The following UNC13C variants were observed in gnomAD, a reference collection of about 807,000 sequenced individuals.
UNC13C encodes protein unc-13 homolog C.
A neutral mutation model predicts 245.4 loss-of-function variants in UNC13C; 174 were observed. That is an observed-to-expected ratio of 0.71 (90% CI 0.63 to 0.80). The LOEUF (loss-of-function observed/expected upper bound fraction) is 0.80, where lower values mean the gene tolerates loss of function less well. Ranked by LOEUF, UNC13C falls within the 30% of genes least tolerant of loss-of-function variation. The pLI is 0.00. For synonymous variants in UNC13C, 992 were observed against 895.1 expected, an observed-to-expected ratio of 1.11 and a Z score of -1.93; for missense variants, 2,829 against 2,602.9, an observed-to-expected ratio of 1.09 and a Z score of -1.89.
chr15:54,510,171 G>T (rs1465459093), intron 23 of UNC13C, among the ~76,000 whole-genome samples: 1 of 152,186 alleles, frequency 6.6e-6, no homozygotes, highest in Non-Finnish European at 1.5e-5. Context: ...GAAACAAGGT[G>T]ATAATAACCA....
intron 4 of UNC13C, among the ~76,000 whole-genome samples, chr15:54,180,317 G>A (rs1488639936): frequency 6.6e-6 from 1 of 151,988 alleles, no homozygotes; most frequent in Non-Finnish European, 1.5e-5. Context: ...CATCCATGCT[G>A]CTACAAAGGA....
chr15:54,223,969 T>C (rs1376247261), intron 4 of UNC13C, among the ~76,000 whole-genome samples: 1 of 152,122 alleles, frequency 6.6e-6, no homozygotes, highest in Non-Finnish European at 1.5e-5. Context: ...ATGCTACTGA[T>C]TTTTGTATGT....
At chr15:53,842,751 G>T in the UNC13C span, among the ~76,000 whole-genome samples, 4,774 of 152,090 alleles carry the variant, frequency 0.031, 247 homozygotes, top group African/African-American at 0.11. Context: ...GCACCCAGAA[G>T]TGACTGACAT....
intron 14 of UNC13C, among the ~76,000 whole-genome samples, chr15:54,329,586 C>T (rs1039592582): frequency 2.0e-5 from 3 of 152,018 alleles, no homozygotes; most frequent in African/African-American, 7.2e-5. Flanking sequence ...AGGCAGTAGG[C>T]TTGCTCTGCT....
At chr15:54,232,422 T>C (rs1774262523) in intron 4 of UNC13C, among the ~76,000 whole-genome samples, 1 of 152,128 alleles carries the variant, frequency 6.6e-6, no homozygotes, top group Non-Finnish European at 1.5e-5. Context: ...GAGATAAGCA[T>C]AGGAGTGAAG....
At chr15:54,558,287 A>T (rs1392020062) in intron 29 of UNC13C, among the ~76,000 whole-genome samples, 1 of 152,094 alleles carries the variant, frequency 6.6e-6, no homozygotes, top group Non-Finnish European at 1.5e-5. Flanking sequence ...CTTTGATAAT[A>T]GAGAAAATTA....
the UNC13C span, among the ~76,000 whole-genome samples, chr15:53,843,178 C>CTTAGG: frequency 6.6e-6 from 1 of 152,114 alleles, no homozygotes; most frequent in Admixed American, 6.6e-5. Flanking sequence ...GTGGCTTAGG[C>CTTAGG]CTGTGATCCC....
At chr15:54,412,041 GCTGCATTAGTCCATTTTGACA>G (rs1422304604) in intron 18 of UNC13C, among the ~76,000 whole-genome samples, 1 of 151,720 alleles carries the variant, frequency 6.6e-6, no homozygotes, top group African/African-American at 2.4e-5. Flanking sequence ...AACTTTTGAT[GCTGCATTAGTCCATTTTGACA>G]CTGCTATAAG....
At chr15:54,400,111 T>G (rs1023563867) in intron 18 of UNC13C, among the ~76,000 whole-genome samples, 5 of 152,002 alleles carry the variant, frequency 3.3e-5, no homozygotes, top group Non-Finnish European at 7.4e-5. Context: ...ACTTGAGACA[T>G]TCTATCATTT....
chr15:54,249,771 C>T (rs935480486), intron 7 of UNC13C, among the ~76,000 whole-genome samples: 16 of 152,142 alleles, frequency 1.1e-4, no homozygotes, highest in African/African-American at 2.4e-4. Context: ...GTGATAGGTA[C>T]TGAAAGCAAA....
intron 2 of UNC13C, among the ~76,000 whole-genome samples, chr15:54,134,745 C>G (rs62012216): frequency 6.6e-6 from 1 of 151,868 alleles, no homozygotes; most frequent in South Asian, 2.1e-4. Context: ...GTTTTTATAC[C>G]TTGGCTATAG....
chr15:54,023,621 C>A (rs1895989437), intron 2 of UNC13C, among the ~76,000 whole-genome samples: 1 of 152,098 alleles, frequency 6.6e-6, no homozygotes, highest in Admixed American at 6.6e-5. Flanking sequence ...AAAGGATATA[C>A]AAAGACCCAT....
chr15:54,102,881 G>T (rs1900236461), intron 2 of UNC13C, among the ~76,000 whole-genome samples: 1 of 152,212 alleles, frequency 6.6e-6, no homozygotes, highest in East Asian at 1.9e-4. Context: ...CTTTGCTAAT[G>T]CTGTTGCCAT....
the UNC13C span, among the ~76,000 whole-genome samples, chr15:53,931,790 T>C: frequency 6.6e-6 from 1 of 152,180 alleles, no homozygotes; most frequent in Non-Finnish European, 1.5e-5. Context: ...TAGCAGGAAG[T>C]ATGCCTAATG....
intron 2 of UNC13C, among the ~76,000 whole-genome samples, chr15:54,063,908 G>A (rs1181437610): frequency 6.6e-6 from 1 of 152,130 alleles, no homozygotes; most frequent in Non-Finnish European, 1.5e-5. Flanking sequence ...GATTTTTGGA[G>A]GCACAAAGGA....
At chr15:53,848,696 C>T in the UNC13C span, among the ~76,000 whole-genome samples, 2 of 152,088 alleles carry the variant, frequency 1.3e-5, no homozygotes, top group Non-Finnish European at 2.9e-5. Context: ...CCTTCTTGTT[C>T]TATCAACCTG....
the UNC13C span, chr15:53,948,089 G>T: frequency 1.3e-5 from 2 of 152,286 alleles, no homozygotes; most frequent in African/African-American, 4.8e-5. Flanking sequence ...AGTAGGCTGG[G>T]AGTGTAAGCC....
chr15:54,249,904 G>T (rs1032495810), intron 7 of UNC13C, among the ~76,000 whole-genome samples: 46 of 152,314 alleles, frequency 3.0e-4, no homozygotes, highest in Middle Eastern at 6.8e-3. Context: ...TGGGTTTACA[G>T]CATAGCAGGG....
intron 17 of UNC13C, among the ~76,000 whole-genome samples, chr15:54,357,082 C>T (rs931908894): frequency 6.6e-6 from 1 of 151,792 alleles, no homozygotes; most frequent in African/African-American, 2.4e-5. Flanking sequence ...TATCAGTTTA[C>T]AGCTTATAGG....
Sources: gnomAD v4.1 joint callset for allele counts (sites outside exome capture counted in the v4.1 genomes callset) on GRCh38, gnomAD v4.1.1 for gene constraint, MANE v1.5 for transcripts, NCBI Gene and HGNC (gene_info 2026-07-23, HGNC 2026-07-21) for gene names.